GPC3: variants seen among roughly 807,000 people sequenced by gnomAD.
GPC3 encodes the protein glypican-3.
GPC3 carries 3 observed loss-of-function variants against 34.4 expected under a neutral mutation model. The observed-to-expected ratio is 0.09, with a 90% CI of 0.04 to 0.23. The LOEUF (loss-of-function observed/expected upper bound fraction) is 0.23, where lower values mean the gene tolerates loss of function less well. Ranked by LOEUF, GPC3 falls within the 10% of genes least tolerant of loss-of-function variation. The probability of loss-of-function intolerance (pLI) is 1.00; values close to 1 mark genes in which losing one functional copy is unlikely to be tolerated. For missense variants in GPC3, 351 were observed against 445.6 expected, an observed-to-expected ratio of 0.79 and a Z score of 1.91; for synonymous variants, 177 against 174.0, an observed-to-expected ratio of 1.02 and a Z score of -0.13.
chrX:133,757,917 C>CT (rs1569427055), intron 2 of GPC3, among the ~76,000 whole-genome samples: 1 of 111,732 alleles, frequency 8.9e-6, no homozygotes, highest in East Asian at 2.8e-4. Context: ...CCTTTGCACA[C>CT]TTTTATGCAG....
intron 6 of GPC3, among the ~76,000 whole-genome samples, chrX:133,656,540 A>G (rs967390372): frequency 3.6e-5 from 4 of 112,140 alleles, no homozygotes; most frequent in Middle Eastern, 4.6e-3. Flanking sequence ...TATCTAATGG[A>G]TAGGAAAGAG....
intron 3 of GPC3, among the ~76,000 whole-genome samples, chrX:133,718,296 G>A (rs1460418782): frequency 2.7e-5 from 3 of 111,668 alleles, no homozygotes; most frequent in Non-Finnish European, 5.6e-5. Context: ...ACAAGAAGGG[G>A]GAAGGGAATT....
At chrX:133,651,624 G>A in intron 6 of GPC3, among the ~76,000 whole-genome samples, 1 of 111,335 alleles carries the variant, frequency 9.0e-6, no homozygotes, top group Non-Finnish European at 1.9e-5. Context: ...TGTTATCTAT[G>A]TATTCACTAA....
At chrX:133,763,769 A>C (rs994810463) in intron 2 of GPC3, 3 of 445,551 alleles carry the variant, frequency 6.7e-6, no homozygotes, top group African/African-American at 4.9e-5. Context: ...GTCAAAAAAC[A>C]ACAGATGTTG....
rs1317040204 is a variant in GPC3, at chrX:133,826,307, A to G, written c.338-72131T>C. 3.6e-5 allele frequency among the ~76,000 whole-genome samples: 4 copies of G among 112,187 alleles called. No individual in the cohort carries two copies. In the South Asian group the frequency reaches 1.1e-3, roughly 31 times the overall value. On this transcript the variant is annotated intron_variant, in intron 2 of 7. Coordinates refer to ENST00000370818, the MANE Select transcript of GPC3 (RefSeq NM_004484.4). ...TAAAGAACTAAAGGTAAGTATCAGA[A>G]TAATGTTTCACCATGTCAAAAATAT... is the stretch of plus-strand genomic sequence containing the variant.
intron 7 of GPC3, among the ~76,000 whole-genome samples, chrX:133,540,543 G>A (rs1180563587): frequency 9.0e-6 from 1 of 111,072 alleles, no homozygotes; most frequent in Non-Finnish European, 1.9e-5. Context: ...AGACACTGGG[G>A]ACTCAGGGGA....
At chrX:133,967,350 T>C (rs996133918) in intron 1 of GPC3, among the ~76,000 whole-genome samples, 6 of 111,908 alleles carry the variant, frequency 5.4e-5, no homozygotes, top group Non-Finnish European at 9.4e-5. Flanking sequence ...ATGATTTTAG[T>C]GAAAAACTCA....
chrX:133,875,518 T>C (rs890468186), intron 2 of GPC3, among the ~76,000 whole-genome samples: 8 of 111,578 alleles, frequency 7.2e-5, no homozygotes, highest in African/African-American at 2.3e-4. Flanking sequence ...GCTCAAATAG[T>C]TTTTTGGCAT....
chrX:133,723,125 C>A (rs1174016196), intron 3 of GPC3, among the ~76,000 whole-genome samples: 1 of 111,680 alleles, frequency 9.0e-6, no homozygotes, highest in Non-Finnish European at 1.9e-5. Flanking sequence ...CTTGTGATTT[C>A]CCCCCTAGTA....
intron 5 of GPC3, among the ~76,000 whole-genome samples, chrX:133,667,407 T>A (rs1160719329): frequency 1.8e-5 from 2 of 111,871 alleles, no homozygotes; most frequent in African/African-American, 6.5e-5. Context: ...TAATAAGAGT[T>A]ATGTTGGCAA....
At chrX:133,855,711 T>C (rs914887373) in intron 2 of GPC3, among the ~76,000 whole-genome samples, 1 of 110,065 alleles carries the variant, frequency 9.1e-6, no homozygotes, top group African/African-American at 3.3e-5. Flanking sequence ...ACTGGATCTT[T>C]TGACTTTTTC....
intron 6 of GPC3, among the ~76,000 whole-genome samples, chrX:133,631,079 T>C (rs1267780313): frequency 8.9e-6 from 1 of 111,920 alleles, no homozygotes; most frequent in Non-Finnish European, 1.9e-5. Flanking sequence ...CTTGAGCACA[T>C]GGAACACATT....
At chrX:133,565,460 T>G in intron 7 of GPC3, among the ~76,000 whole-genome samples, 1 of 112,310 alleles carries the variant, frequency 8.9e-6, no homozygotes, top group Non-Finnish European at 1.9e-5. Flanking sequence ...ATTCTCACTG[T>G]GCCTAACACT....
At chrX:133,691,425 G>A (rs1263647828) in intron 5 of GPC3, among the ~76,000 whole-genome samples, 1 of 109,343 alleles carries the variant, frequency 9.1e-6, no homozygotes, top group Non-Finnish European at 1.9e-5. Flanking sequence ...CTTGATCCTG[G>A]GAGGCGGAGG....
At chrX:133,978,179 T>C (rs1044681611) in intron 1 of GPC3, among the ~76,000 whole-genome samples, 1 of 112,354 alleles carries the variant, frequency 8.9e-6, no homozygotes, top group African/African-American at 3.2e-5. Flanking sequence ...GCAATCCCCC[T>C]GCCTCGGCCT....
At chrX:133,620,989 C>G (rs1304275260) in intron 6 of GPC3, among the ~76,000 whole-genome samples, 4 of 111,495 alleles carry the variant, frequency 3.6e-5, no homozygotes, top group Non-Finnish European at 7.5e-5. Context: ...GGTACACATT[C>G]TCAGGATCCC....
At chrX:133,865,408 T>C (rs2075962039) in intron 2 of GPC3, among the ~76,000 whole-genome samples, 1 of 112,226 alleles carries the variant, frequency 8.9e-6, no homozygotes, top group African/African-American at 3.2e-5. Context: ...TGTGATTTCA[T>C]ATTGGAAAGT....
intron 2 of GPC3, among the ~76,000 whole-genome samples, chrX:133,890,017 C>T (rs2076079468): frequency 9.1e-6 from 1 of 110,125 alleles, no homozygotes; most frequent in South Asian, 3.9e-4. Flanking sequence ...GATCCACCTG[C>T]CTTGGCCTCC....
chrX:133,558,899 G>GTAAA (rs1330885429), intron 7 of GPC3, among the ~76,000 whole-genome samples: 3 of 100,349 alleles, frequency 3.0e-5, no homozygotes, highest in African/African-American at 4.0e-5. Context: ...TCAAAAATAA[G>GTAAA]TAAGTAAATA....
Sources: allele counts gnomAD v4.1 joint callset (sites outside exome capture counted in the v4.1 genomes callset), GRCh38; gene constraint gnomAD v4.1.1; transcripts MANE v1.5; gene names NCBI Gene and HGNC (gene_info 2026-07-23, HGNC 2026-07-21).